The following TENM3 variants were observed in gnomAD, a reference collection of about 807,000 sequenced individuals.
TENM3 encodes the protein teneurin transmembrane protein 3.
Under a neutral mutation model 255.1 loss-of-function variants are expected in TENM3, and 63 were observed. That is an observed-to-expected ratio of 0.25 (90% CI 0.20 to 0.30). The LOEUF (loss-of-function observed/expected upper bound fraction) is 0.30. TENM3 is among the 10% of genes least tolerant of loss of function. The pLI, the probability that TENM3 is intolerant of heterozygous loss-of-function variation, is 1.00. For synonymous variants in TENM3, 1,306 were observed against 1,322.3 expected (o/e 0.99, Z 0.27); for missense variants, 2,929 against 3,461.1 (o/e 0.85, Z 3.86).
chr4:181,501,795 C>T, the TENM3 span, among the ~76,000 whole-genome samples: 825 of 152,262 alleles, frequency 5.4e-3, 1 homozygote, highest in Middle Eastern at 0.041. Flanking sequence ...AATCCAGTTC[C>T]ATCTAATATA....
intron 3 of TENM3, among the ~76,000 whole-genome samples, chr4:182,566,937 A>G (rs911835134): frequency 6.6e-6 from 1 of 152,190 alleles, no homozygotes; most frequent in African/African-American, 2.4e-5. Context: ...ATTTATTGGT[A>G]TATAAAGGAG....
At chr4:181,465,578 G>C in the TENM3 span, among the ~76,000 whole-genome samples, 1 of 152,216 alleles carries the variant, frequency 6.6e-6, no homozygotes, top group East Asian at 1.9e-4. Context: ...TTACATAAAT[G>C]TTATATTTAT....
chr4:181,957,745 A>C, the TENM3 span, among the ~76,000 whole-genome samples: 7 of 152,122 alleles, frequency 4.6e-5, no homozygotes, highest in Admixed American at 6.6e-5. Context: ...ATCTTTGGGA[A>C]ACCATTGAAT....
intron 1 of TENM3, among the ~76,000 whole-genome samples, chr4:182,207,247 T>C (rs1451589954): frequency 6.6e-6 from 1 of 152,190 alleles, no homozygotes; most frequent in African/African-American, 2.4e-5. Context: ...ATAAAAGTGA[T>C]TATCTTCAAG....
chr4:181,532,584 C>G, the TENM3 span, among the ~76,000 whole-genome samples: 1 of 152,114 alleles, frequency 6.6e-6, no homozygotes, highest in African/African-American at 2.4e-5. Context: ...AATTTTGGAA[C>G]AAAACACCCT....
At chr4:181,591,331 T>C in the TENM3 span, among the ~76,000 whole-genome samples, 1 of 152,178 alleles carries the variant, frequency 6.6e-6, no homozygotes, top group Non-Finnish European at 1.5e-5. Context: ...TATTAAAAAT[T>C]GAAAATATAC....
At chr4:182,346,522 G>A in intron 2 of TENM3, 129 bp from the exon 3 acceptor site, 1 of 884,330 alleles carries the variant, frequency 1.1e-6, no homozygotes, top group Non-Finnish European at 1.7e-6. Context: ...AACGCCTGGT[G>A]CTGATCGCTG....
At chr4:181,951,185 C>T in the TENM3 span, among the ~76,000 whole-genome samples, 1 of 152,206 alleles carries the variant, frequency 6.6e-6, no homozygotes, top group Non-Finnish European at 1.5e-5. Flanking sequence ...ATCTTTTGCA[C>T]TCAATGCCTT....
At chr4:182,426,281 G>T (rs1771216891) in intron 3 of TENM3, among the ~76,000 whole-genome samples, 1 of 152,076 alleles carries the variant, frequency 6.6e-6, no homozygotes, top group South Asian at 2.1e-4. Flanking sequence ...GCCCATATTG[G>T]AGAAGAACCA....
chr4:182,791,192 C>T (rs1027944387), intron 25 of TENM3, among the ~76,000 whole-genome samples: 3 of 152,228 alleles, frequency 2.0e-5, no homozygotes, highest in African/African-American at 7.2e-5. Flanking sequence ...ACATTTACTA[C>T]ACAACCTGCA....
chr4:182,739,414 G>A lies in TENM3; in HGVS notation c.3379+870G>A, dbSNP rs988264368. 2.6e-5 allele frequency among the ~76,000 whole-genome samples: 4 copies of A among 152,108 alleles called. No homozygotes were observed. The East Asian group carries it at 7.7e-4, about 29-fold the overall frequency. ...GGTGCTTTGCTGGAAAAGCAGGACC[G>A]TAAGTTAATCTATTATACTTTAGCA... On this transcript the variant is annotated intron_variant, in intron 18 of 27. Transcript: ENST00000511685.
chr4:181,620,212 C>T, the TENM3 span, among the ~76,000 whole-genome samples: 1 of 151,996 alleles, frequency 6.6e-6, no homozygotes. Flanking sequence ...AGTGAGCTGT[C>T]ATTGCACCAC....
chr4:182,026,222 A>G, the TENM3 span, among the ~76,000 whole-genome samples: 1 of 152,282 alleles, frequency 6.6e-6, no homozygotes, highest in East Asian at 1.9e-4. Flanking sequence ...CCACTCTATC[A>G]TTGATGGACA....
chr4:182,625,367 G>C (rs907086946), intron 4 of TENM3, among the ~76,000 whole-genome samples: 4 of 152,170 alleles, frequency 2.6e-5, no homozygotes, highest in Non-Finnish European at 5.9e-5. Flanking sequence ...GATAGCATTA[G>C]ATTCTCACAG....
the TENM3 span, among the ~76,000 whole-genome samples, chr4:181,673,416 T>A: frequency 2.2e-4 from 33 of 152,162 alleles, no homozygotes; most frequent in Admixed American, 5.2e-4. Context: ...TAACGTCATA[T>A]AAAAACAAGC....
chr4:182,328,886 GA>G (rs747143306), intron 2 of TENM3, among the ~76,000 whole-genome samples: 22 of 152,102 alleles, frequency 1.4e-4, no homozygotes, highest in Non-Finnish European at 3.2e-4. Flanking sequence ...AGGGAAAGTA[GA>G]TCCCACAAGG....
chr4:182,638,282 G>T (rs1220897697), intron 5 of TENM3, among the ~76,000 whole-genome samples: 5 of 152,182 alleles, frequency 3.3e-5, no homozygotes, highest in Non-Finnish European at 4.4e-5. Flanking sequence ...TAAAGGAAAA[G>T]ATATCTCTGA....
chr4:181,466,174 A>G, the TENM3 span, among the ~76,000 whole-genome samples: 3 of 147,686 alleles, frequency 2.0e-5, no homozygotes, highest in Admixed American at 2.0e-4. Context: ...CTAGAGTGTA[A>G]TGGTGCGATC....
intron 1 of TENM3, among the ~76,000 whole-genome samples, chr4:182,148,699 A>G (rs1750125889): frequency 6.6e-6 from 1 of 152,130 alleles, no homozygotes; most frequent in Non-Finnish European, 1.5e-5. Flanking sequence ...ACAATGAAAG[A>G]TAATGCATGT....
Sources: allele counts gnomAD v4.1 joint callset (sites outside exome capture counted in the v4.1 genomes callset), GRCh38; gene constraint gnomAD v4.1.1; transcripts MANE v1.5; gene names NCBI Gene and HGNC (gene_info 2026-07-23, HGNC 2026-07-21).